POLA1: variants seen among roughly 807,000 people sequenced by gnomAD.
POLA1 encodes DNA polymerase alpha catalytic subunit.
In POLA1, 15 loss-of-function variants were observed where a neutral mutation model predicts 124.0. That is an observed-to-expected ratio of 0.12 (90% confidence interval 0.08 to 0.19). The LOEUF (loss-of-function observed/expected upper bound fraction) is 0.19. Ranked by LOEUF, POLA1 falls within the 10% of genes least tolerant of loss-of-function variation. The pLI, the probability that POLA1 is intolerant of heterozygous loss-of-function variation, is 1.00. For missense variants in POLA1, 886 were observed against 1,103.4 expected (o/e 0.80, Z 2.79); for synonymous variants, 408 against 389.4 (o/e 1.05, Z -0.56).
At chrX:24,720,177 A>C (rs1930119045) in intron 10 of POLA1, among the ~76,000 whole-genome samples, 2 of 112,028 alleles carry the variant, frequency 1.8e-5, no homozygotes, top group African/African-American at 6.5e-5. Flanking sequence ...GAATGTGCTC[A>C]TCTGACTCAT....
At chrX:24,738,158 A>G (rs1441637741) in intron 19 of POLA1, among the ~76,000 whole-genome samples, 2 of 95,097 alleles carry the variant, frequency 2.1e-5, no homozygotes, top group African/African-American at 8.5e-5. Context: ...GCTTGCAGTG[A>G]GCCGAGATTG....
At chrX:24,965,985 C>T (rs909191663) in intron 36 of POLA1, among the ~76,000 whole-genome samples, 3 of 111,930 alleles carry the variant, frequency 2.7e-5, no homozygotes, top group African/African-American at 9.7e-5. Context: ...TGGAAAGCTT[C>T]TGAAACTATC....
At chrX:24,737,933 G>GTTAGAATCTAGGGATAGTGAACAAAGA (rs1931379638) in intron 19 of POLA1, among the ~76,000 whole-genome samples, 192 bp downstream of exon 19, 2 of 99,845 alleles carry the variant, frequency 2.0e-5, no homozygotes, top group African/African-American at 9.9e-5. Context: ...GGTAGTTTTG[G>GTTAGAATCTAGGGATAGTGAACAAAGA]CCGGGCGCGG....
intron 26 of POLA1, among the ~76,000 whole-genome samples, chrX:24,797,548 G>A (rs755382859): frequency 1.2e-4 from 13 of 111,530 alleles, no homozygotes; most frequent in Non-Finnish European, 2.4e-4. Context: ...CTCTACTGGG[G>A]GTTATGCCCT....
chrX:24,933,554 C>T (rs182533020), intron 36 of POLA1, among the ~76,000 whole-genome samples: 54 of 111,677 alleles, frequency 4.8e-4, no homozygotes, highest in Non-Finnish European at 7.3e-4. Context: ...ACAAGTGCCC[C>T]GTAACTGGTG....
At chrX:24,881,828 A>G (rs1404014196) in intron 34 of POLA1, among the ~76,000 whole-genome samples, 2 of 111,685 alleles carry the variant, frequency 1.8e-5, no homozygotes, top group Non-Finnish European at 3.8e-5. Context: ...CAGCCTGTAT[A>G]ATGATAAGGA....
chrX:24,709,237 G>A (rs1268301942), intron 4 of POLA1, among the ~76,000 whole-genome samples: 1 of 96,716 alleles, frequency 1.0e-5, no homozygotes, highest in African/African-American at 4.4e-5. Context: ...CTGGCCGGGC[G>A]GGGGGCTGAC....
In POLA1 at chrX:24,843,653, A is replaced by G; in HGVS notation, c.4023A>G (p.Arg1341=). The part of the protein sequence containing the change: ...QLSNKLIMDI[R]RFIKKYYDGW... The stretch of plus-strand genomic sequence containing the variant: ...GCAACAAATTGATCATGGACATTAG[A>G]CGTTTCATTAAAAAGTACTATGATG... Residue 1341 remains arginine (R), a synonymous_variant, in exon 34 of 37, where the codon AGA becomes AGG. Transcript: ENST00000379068. 3.4e-6 allele frequency: 4 copies of G among 1,174,134 alleles called. No individual in the cohort carries two copies. Among genetic ancestry groups the G allele is most frequent in the Non-Finnish European group, 4.6e-6 (4 of 868,688 alleles).
chrX:24,765,750 A>G (rs1400414121), intron 26 of POLA1, among the ~76,000 whole-genome samples: 1 of 112,262 alleles, frequency 8.9e-6, no homozygotes, highest in African/African-American at 3.2e-5. Flanking sequence ...GAATTAATAC[A>G]TGTTAAGATT....
intron 18 of POLA1, among the ~76,000 whole-genome samples, chrX:24,736,153 A>C (rs190480955): frequency 9.0e-6 from 1 of 111,704 alleles, no homozygotes; most frequent in African/African-American, 3.3e-5. Context: ...AATGTAGGCT[A>C]TAAATGCCTA....
In POLA1 at chrX:24,841,799, A is replaced by G; in HGVS notation, c.3884A>G (p.Glu1295Gly). ...FKCPCPTCGT[E>G]NIYDNVFDGS... ...TGTCCATGCCCTACATGTGGAACTG[A>G]GAATATTTATGATAATGTCTTTGAT... The change falls in exon 33 of 37, where the codon GAG becomes GGG. Residue 1295 changes from glutamate (E) to glycine (G), a missense_variant. By Grantham distance (98) the Glu-to-Gly change is moderately conservative. This residue lies in a region of POLA1 where 313 missense variants were observed against 359.7 expected (regional missense o/e 0.87). Coordinates refer to ENST00000379068, the MANE Select transcript of POLA1 (RefSeq NM_001330360.2). 1.7e-6 allele frequency: 2 copies of G among 1,199,613 alleles called. No homozygotes were observed. The highest frequency in any genetic ancestry group is 2.3e-6 in the Non-Finnish European group (2 of 887,048).
chrX:24,763,541 G>C, intron 26 of POLA1, among the ~76,000 whole-genome samples: 1 of 111,237 alleles, frequency 9.0e-6, no homozygotes, highest in Non-Finnish European at 1.9e-5. Flanking sequence ...TTGGGAGAGA[G>C]GAGAGAGTGG....
At chrX:24,818,000 G>A (rs1284898640) in intron 30 of POLA1, among the ~76,000 whole-genome samples, 1 of 105,049 alleles carries the variant, frequency 9.5e-6, no homozygotes, top group African/African-American at 3.5e-5. Context: ...GTTAAATTAG[G>A]GTGGAGACAT....
intron 36 of POLA1, among the ~76,000 whole-genome samples, chrX:24,985,298 G>C (rs757299125): frequency 8.9e-6 from 1 of 112,898 alleles, no homozygotes; most frequent in African/African-American, 3.2e-5. Flanking sequence ...GAAACAAATG[G>C]GCATGGCTGT....
At chrX:24,936,689 G>A (rs1399294672) in intron 36 of POLA1, among the ~76,000 whole-genome samples, 2 of 111,127 alleles carry the variant, frequency 1.8e-5, no homozygotes, top group Non-Finnish European at 3.8e-5. Context: ...CTGCCACCAC[G>A]CCCGGCTAAT....
At chrX:24,930,379 A>C (rs1306500532) in intron 35 of POLA1, 74 bp from the exon 36 acceptor site, 1 of 679,584 alleles carries the variant, frequency 1.5e-6, no homozygotes, top group Non-Finnish European at 2.4e-6. Context: ...TAGGGGATAC[A>C]CTCTGCTGAG....
chrX:24,943,902 C>A (rs190942403), intron 36 of POLA1, among the ~76,000 whole-genome samples: 2 of 111,511 alleles, frequency 1.8e-5, no homozygotes, highest in Non-Finnish European at 3.8e-5. Flanking sequence ...CATGGACTAA[C>A]GGGAAATACC....
chrX:24,723,106 G>A, intron 10 of POLA1, 49 bp from the exon 11 acceptor site: 1 of 879,119 alleles, frequency 1.1e-6, no homozygotes, highest in Non-Finnish European at 1.7e-6. Flanking sequence ...CCTTTAATTA[G>A]GTGAAATTGA....
intron 1 of POLA1, among the ~76,000 whole-genome samples, chrX:24,699,008 C>A (rs751272131): frequency 7.2e-5 from 8 of 111,826 alleles, no homozygotes; most frequent in Non-Finnish European, 1.5e-4. Context: ...CTCCTTGAAG[C>A]CTTTTAGATA....
Sources: gnomAD v4.1 joint callset for allele counts (sites outside exome capture counted in the v4.1 genomes callset) on GRCh38, gnomAD v4.1.1 for gene constraint, gnomAD v4.1.1 regional missense constraint, MANE v1.5 for transcripts, NCBI Gene and HGNC (gene_info 2026-07-23, HGNC 2026-07-21) for gene names.